COL8A1: variants seen among roughly 807,000 people sequenced by gnomAD.
COL8A1 encodes collagen type VIII alpha 1 chain.
In COL8A1, 21 loss-of-function variants were observed where a neutral mutation model predicts 42.7. The ratio of observed to expected loss-of-function variants is 0.49; its 90% CI spans 0.35 to 0.71. The LOEUF (loss-of-function observed/expected upper bound fraction) is 0.71, where lower values mean the gene tolerates loss of function less well. COL8A1 is among the 30% of genes least tolerant of loss of function. The pLI, the probability that COL8A1 is intolerant of heterozygous loss-of-function variation, is 0.01. For synonymous variants in COL8A1, 367 were observed against 369.1 expected, an observed-to-expected ratio of 0.99 and a Z score of 0.06; for missense variants, 788 against 962.4, an observed-to-expected ratio of 0.82 and a Z score of 2.40.
intron 1 of COL8A1, among the ~76,000 whole-genome samples, chr3:99,644,116 C>T (rs564542306): frequency 1.3e-5 from 2 of 152,228 alleles, no homozygotes; most frequent in African/African-American, 4.8e-5. Context: ...TTTTGAAATG[C>T]TACAAGAGAT....
At chr3:99,689,644 T>G (rs1310700472) in intron 1 of COL8A1, among the ~76,000 whole-genome samples, 1 of 152,240 alleles carries the variant, frequency 6.6e-6, no homozygotes, top group Non-Finnish European at 1.5e-5. Flanking sequence ...AATATGTAAT[T>G]CTTCTACAAC....
At chr3:99,710,877 C>G (rs1480351662) in intron 1 of COL8A1, among the ~76,000 whole-genome samples, 1 of 152,094 alleles carries the variant, frequency 6.6e-6, no homozygotes, top group Non-Finnish European at 1.5e-5. Flanking sequence ...TGCTTAAAAT[C>G]ATAATATCTT....
At chr3:99,729,549 C>T (rs761516155) in intron 1 of COL8A1, among the ~76,000 whole-genome samples, 1 of 151,950 alleles carries the variant, frequency 6.6e-6, no homozygotes, top group Non-Finnish European at 1.5e-5. Flanking sequence ...TCTAGACACT[C>T]GATGGTGCCT....
intron 1 of COL8A1, among the ~76,000 whole-genome samples, chr3:99,740,510 G>A (rs1940868729): frequency 6.6e-6 from 1 of 152,158 alleles, no homozygotes; most frequent in African/African-American, 2.4e-5. Flanking sequence ...TGGCAGCAGG[G>A]AGAAGTATAA....
chr3:99,670,773 C>A (rs1359186790), intron 1 of COL8A1, among the ~76,000 whole-genome samples: 2 of 152,006 alleles, frequency 1.3e-5, no homozygotes, highest in Non-Finnish European at 2.9e-5. Context: ...CTCCCCATAC[C>A]CTCAGCCCCT....
Position 99,684,925 on chromosome 3 carries a change from G to A in COL8A1, c.-129+46261G>A, listed in dbSNP as rs541001420. ...TTTGCTGGCGTAATTGCAGTTGGGA[G>A]GGGAGAATGAAAGGCATTGCTTTTC... On this transcript the variant is annotated intron_variant, in intron 1 of 3. Transcript: ENST00000652472. Among the ~76,000 whole-genome samples, 7 of 152,280 alleles carry A rather than the reference G, an allele frequency of 4.6e-5. No individual in the cohort carries two copies. The East Asian group carries it at 1.4e-3, about 29-fold the overall frequency.
At chr3:99,750,049 C>CT (rs1176042144) in intron 2 of COL8A1, among the ~76,000 whole-genome samples, 25,200 of 66,674 alleles carry the variant, frequency 0.38, 5,018 homozygotes, top group Non-Finnish European at 0.41. Flanking sequence ...TTTTTTTCTT[C>CT]TTTTTTTTTT....
chr3:99,649,298 C>T (rs1455938930), intron 1 of COL8A1, among the ~76,000 whole-genome samples: 1 of 152,024 alleles, frequency 6.6e-6, no homozygotes, highest in Non-Finnish European at 1.5e-5. Context: ...AGACTGTGAG[C>T]TCCTTGCAGA....
At chr3:99,737,606 T>G (rs1043849498) in intron 1 of COL8A1, among the ~76,000 whole-genome samples, 5 of 152,354 alleles carry the variant, frequency 3.3e-5, no homozygotes, top group African/African-American at 1.2e-4. Context: ...GCTGTCAGTC[T>G]GATGGGCTTC....
intron 2 of COL8A1, among the ~76,000 whole-genome samples, chr3:99,747,267 T>C (rs62283491): frequency 0.08 from 12,118 of 152,252 alleles, 579 homozygotes; most frequent in Middle Eastern, 0.11. Context: ...AAATAACATA[T>C]ACCTCTAAGC....
chr3:99,753,295 CTGT>C (rs1339473101), intron 2 of COL8A1, among the ~76,000 whole-genome samples: 2 of 152,154 alleles, frequency 1.3e-5, no homozygotes, highest in Non-Finnish European at 2.9e-5. Flanking sequence ...TGACACTGTC[CTGT>C]TGTTATCTGG....
chr3:99,669,179 AGAGG>A, intron 1 of COL8A1, among the ~76,000 whole-genome samples: 2 of 147,506 alleles, frequency 1.4e-5, no homozygotes, highest in Admixed American at 6.8e-5. Flanking sequence ...AGAGAGAGAG[AGAGG>A]GACAAAGGGA....
At chr3:99,692,628 A>T (rs866873061) in intron 1 of COL8A1, among the ~76,000 whole-genome samples, 2 of 152,224 alleles carry the variant, frequency 1.3e-5, no homozygotes, top group Non-Finnish European at 2.9e-5. Flanking sequence ...TTGCCTCAAG[A>T]CTATTCTAGG....
rs145630135 is a variant in COL8A1, at chr3:99,652,037, T to C, written c.-129+13373T>C. ...AAAGCTCTAGAGTCAATGGTAAAGA[T>C]AGCAATAACATTTAACTTGTAAATT... On this transcript the variant is annotated intron_variant, in intron 1 of 3. Transcript: ENST00000652472. 2.0e-3 allele frequency among the ~76,000 whole-genome samples: 301 copies of C among 152,348 alleles called. 1 individual carries two copies. The highest frequency in any genetic ancestry group is 6.3e-3 in the African/African-American group (264 of 41,584).
chr3:99,734,840 C>T (rs1086936), intron 1 of COL8A1, among the ~76,000 whole-genome samples: 3 of 152,000 alleles, frequency 2.0e-5, no homozygotes, highest in African/African-American at 2.4e-5. Flanking sequence ...AAGTGGTTTG[C>T]AGTTCTCCTT....
intron 2 of COL8A1, among the ~76,000 whole-genome samples, chr3:99,773,816 T>TATATATATATATATATATATATATA (rs1491203463): frequency 2.5e-4 from 12 of 47,938 alleles, no homozygotes; most frequent in African/African-American, 1.1e-3. Context: ...TATATGTGTG[T>TATATATATATATATATATATATATA]ATATATATAT....
chr3:99,762,090 A>G (rs567513125), intron 2 of COL8A1, among the ~76,000 whole-genome samples: 3 of 152,314 alleles, frequency 2.0e-5, no homozygotes, highest in Admixed American at 2.0e-4. Context: ...TTTTATTAAT[A>G]TGATCATATT....
chr3:99,666,221 G>T (rs59346266), intron 1 of COL8A1, among the ~76,000 whole-genome samples: 2 of 152,050 alleles, frequency 1.3e-5, no homozygotes, highest in African/African-American at 4.8e-5. Context: ...TCCCATGTGA[G>T]GAAATAACAG....
intron 2 of COL8A1, among the ~76,000 whole-genome samples, chr3:99,759,960 T>C (rs1368524934): frequency 6.6e-6 from 1 of 152,120 alleles, no homozygotes; most frequent in African/African-American, 2.4e-5. Flanking sequence ...CCATGGACAA[T>C]CACATCACTC....
Sources: gnomAD v4.1 joint callset for allele counts (sites outside exome capture counted in the v4.1 genomes callset) on GRCh38, gnomAD v4.1.1 for gene constraint, MANE v1.5 for transcripts, NCBI Gene and HGNC (gene_info 2026-07-23, HGNC 2026-07-21) for gene names.